Variants in AKAP13 observed in about 807,000 individuals in gnomAD.
AKAP13 encodes the protein A-kinase anchor protein 13.
AKAP13 carries 80 observed loss-of-function variants against 264.5 expected under a neutral mutation model. That is an observed-to-expected ratio of 0.30 (90% CI 0.25 to 0.36). The LOEUF is 0.36. Among genes scored for constraint, AKAP13 ranks in the 10% least tolerant of loss-of-function variants. The pLI, the probability that AKAP13 is intolerant of heterozygous loss-of-function variation, is 1.00. For synonymous variants in AKAP13, 1,380 were observed against 1,250.2 expected, an observed-to-expected ratio of 1.10 and a Z score of -2.19; for missense variants, 3,712 against 3,435.2, an observed-to-expected ratio of 1.08 and a Z score of -2.01.
chr15:85,438,048 G>A (rs2073406994), intron 1 of AKAP13, among the ~76,000 whole-genome samples: 1 of 146,226 alleles, frequency 6.8e-6, no homozygotes, highest in Admixed American at 6.9e-5. Context: ...CAGATGACAT[G>A]ATTGTATATC....
At chr15:85,468,203 G>T (rs2074825107) in intron 1 of AKAP13, among the ~76,000 whole-genome samples, 1 of 152,174 alleles carries the variant, frequency 6.6e-6, no homozygotes, top group Non-Finnish European at 1.5e-5. Context: ...AAGCCTGTCT[G>T]TTTTTCTAGT....
At chr15:85,479,712 C>T (rs541646854) in intron 1 of AKAP13, among the ~76,000 whole-genome samples, 5 of 152,218 alleles carry the variant, frequency 3.3e-5, no homozygotes, top group African/African-American at 1.2e-4. Context: ...TTAACAGGTA[C>T]AGAAGGGTTT....
chr15:85,429,288 C>G (rs1407164387), intron 1 of AKAP13, among the ~76,000 whole-genome samples: 1 of 152,150 alleles, frequency 6.6e-6, no homozygotes, highest in Non-Finnish European at 1.5e-5. Context: ...TAGCAGTTTT[C>G]TCAGATAATC....
chr15:85,715,057 C>G (rs577830800), intron 19 of AKAP13, among the ~76,000 whole-genome samples: 2 of 152,188 alleles, frequency 1.3e-5, no homozygotes, highest in African/African-American at 4.8e-5. Context: ...CGTTGCCTGT[C>G]CCACCCCAGA....
chr15:85,524,781 C>CT (rs762592023), intron 3 of AKAP13, among the ~76,000 whole-genome samples: 23 of 151,682 alleles, frequency 1.5e-4, no homozygotes, highest in African/African-American at 2.2e-4. Flanking sequence ...AGTTTTCTCT[C>CT]TTTTTTTTGC....
chr15:85,513,068 G>C (rs2076495683), intron 2 of AKAP13, among the ~76,000 whole-genome samples: 1 of 152,142 alleles, frequency 6.6e-6, no homozygotes, highest in Non-Finnish European at 1.5e-5. Context: ...GCCTCCCAAA[G>C]TGCTGGGATT....
At chr15:85,399,945 T>G in intron 1 of AKAP13, among the ~76,000 whole-genome samples, 1 of 152,294 alleles carries the variant, frequency 6.6e-6, no homozygotes, top group Middle Eastern at 3.4e-3. Flanking sequence ...TTAATATAAC[T>G]TATTTATTTA....
intron 1 of AKAP13, among the ~76,000 whole-genome samples, chr15:85,399,527 A>AAAAAAAAAAAAT (rs1567038675): frequency 3.4e-4 from 39 of 114,756 alleles, no homozygotes; most frequent in African/African-American, 7.6e-4. Context: ...AAAAAATAAA[A>AAAAAAAAAAAAT]AAATAAAAAA....
intron 3 of AKAP13, among the ~76,000 whole-genome samples, chr15:85,527,512 G>A (rs1038132895): frequency 2.0e-5 from 3 of 152,216 alleles, no homozygotes; most frequent in African/African-American, 7.2e-5. Context: ...GGCTCTTTGG[G>A]ATATGATAAT....
rs2089355170 is a variant in AKAP13 at position 85,745,918 on chromosome 15, C to T, written c.*1241C>T. On this transcript the variant is annotated 3_prime_UTR_variant, in exon 37 of 37. Coordinates refer to ENST00000394518, the MANE Select transcript of AKAP13 (RefSeq NM_007200.5). ...GTCTGTTGTTGAATTGTACTCTGCCCCTGGAAGCAGATACAGATGGCTGCC... is the reference window on the plus strand; with the variant it reads ...GTCTGTTGTTGAATTGTACTCTGCCTCTGGAAGCAGATACAGATGGCTGCC... 1 of 152,232 alleles carries T rather than the reference C, an allele frequency of 6.6e-6. No individual in the cohort carries two copies. Among genetic ancestry groups the T allele is most frequent in the Non-Finnish European group, 1.5e-5 (1 of 68,056 alleles). 9.4% of individuals were successfully genotyped at this position (152,232 alleles called of 1,614,324 possible). A position where few individuals can be genotyped will look rare whatever the true frequency, so the allele number is the denominator to read the frequency against.
intron 4 of AKAP13, 141 bp downstream of exon 4, chr15:85,534,021 G>C: frequency 1.1e-6 from 1 of 882,556 alleles, no homozygotes. Flanking sequence ...GTAGGAAAGT[G>C]GCCTCAATGG....
chr15:85,664,469 C>A, intron 12 of AKAP13, 94 bp from the exon 13 acceptor site: 3 of 1,269,214 alleles, frequency 2.4e-6, no homozygotes, highest in Non-Finnish European at 3.3e-6. Context: ...AAATAATACA[C>A]AAACAAGGGA....
intron 12 of AKAP13, chr15:85,662,296 A>C: frequency 7.6e-7 from 1 of 1,307,950 alleles, no homozygotes; most frequent in Non-Finnish European, 1.1e-6. Context: ...GTCTGTCTCT[A>C]ACTATGCCCT....
intron 1 of AKAP13, among the ~76,000 whole-genome samples, chr15:85,442,054 A>G (rs1440779301): frequency 2.0e-5 from 3 of 152,136 alleles, no homozygotes; most frequent in Non-Finnish European, 4.4e-5. Flanking sequence ...ATGAAATCTT[A>G]TTTTGCACAG....
intron 5 of AKAP13, among the ~76,000 whole-genome samples, chr15:85,560,372 C>A (rs2078327195): frequency 6.6e-6 from 1 of 152,030 alleles, no homozygotes; most frequent in South Asian, 2.1e-4. Flanking sequence ...GTCTTGAACT[C>A]TTAGCCTCAA....
intron 8 of AKAP13, chr15:85,619,821 T>C: frequency 8.1e-7 from 1 of 1,235,048 alleles, no homozygotes; most frequent in East Asian, 3.6e-5. Flanking sequence ...GTGGTATTTA[T>C]TGTTTATATT....
At chr15:85,391,566 C>A (rs1596019032) in intron 1 of AKAP13, among the ~76,000 whole-genome samples, 3 of 151,226 alleles carry the variant, frequency 2.0e-5, no homozygotes, top group Non-Finnish European at 3.0e-5. Context: ...CTCACTGCAA[C>A]CTCTCCCTTC....
intron 1 of AKAP13, chr15:85,389,867 A>C (rs1179496738): frequency 6.6e-6 from 1 of 152,258 alleles, no homozygotes; most frequent in African/African-American, 2.4e-5. Flanking sequence ...GACAGATTCT[A>C]AAAGATCTGT....
chr15:85,581,177 C>G lies in AKAP13; in HGVS notation c.3109C>G (p.His1037Asp), dbSNP rs765384839. The G allele has an allele frequency of 6.2e-7, 1 of 1,614,038 alleles. No homozygotes were observed. Among genetic ancestry groups the G allele is most frequent in the Non-Finnish European group, 8.5e-7 (1 of 1,180,026 alleles). The part of the protein sequence containing the change: ...ESRQEALGAE[H>D]NSSALLPCLL... ...AAGGCAGGAAGCCTTGGGGGCAGAG[C>G]ACAACAGCTCCGCTCTGTTGCCATG... Residue 1037 changes from histidine (H) to aspartate (D), a missense_variant, in exon 7 of 37, where the codon CAC becomes GAC. This residue lies in a region of AKAP13 where 2,759 missense variants were observed against 2,411.7 expected (regional missense o/e 1.14). Transcript: ENST00000394518.
Sources: gnomAD v4.1 joint callset for allele counts (sites outside exome capture counted in the v4.1 genomes callset) on GRCh38, gnomAD v4.1.1 for gene constraint, gnomAD v4.1.1 regional missense constraint, MANE v1.5 for transcripts, NCBI Gene and HGNC (gene_info 2026-07-23, HGNC 2026-07-21) for gene names.